The following ZNF709 variants were observed in gnomAD, a reference collection of about 807,000 sequenced individuals.
The protein encoded by ZNF709 is zinc finger protein 709.
ZNF709 carries 15 observed loss-of-function variants against 10.6 expected under a neutral mutation model. That is an observed-to-expected ratio of 1.41 (90% CI 0.95 to 2.18). The LOEUF (loss-of-function observed/expected upper bound fraction) is 2.18. Among genes scored for constraint, ZNF709 ranks in the 30% most tolerant of loss-of-function variants. ZNF709 has a pLI of 0.00. For missense variants in ZNF709, 589 were observed against 774.0 expected (o/e 0.76, Z 2.84); for synonymous variants, 194 against 238.8 (o/e 0.81, Z 1.73).
At chr19:12,483,360 C>T (rs1970747210) in intron 1 of ZNF709, among the ~76,000 whole-genome samples, 1 of 145,322 alleles carries the variant, frequency 6.9e-6, no homozygotes, top group Non-Finnish European at 1.5e-5. Context: ...CTCTATGTCA[C>T]CTAGGCTGGT....
chr19:12,476,338 G>A (rs1970678011), intron 1 of ZNF709, among the ~76,000 whole-genome samples: 1 of 151,412 alleles, frequency 6.6e-6, no homozygotes, highest in Non-Finnish European at 1.5e-5. Context: ...GCTGCAGTGA[G>A]CCAAGATTGC....
intron 1 of ZNF709, among the ~76,000 whole-genome samples, chr19:12,474,846 T>G (rs1970663029): frequency 6.6e-6 from 1 of 152,184 alleles, no homozygotes; most frequent in East Asian, 1.9e-4. Flanking sequence ...CAGAATATTC[T>G]TATACATAAT....
rs556555155 is a variant in ZNF709, at chr19:12,481,065, T to C, written c.3+3590A>G. 6.9e-5 allele frequency: 42 copies of C among 612,394 alleles called. No individual in the cohort carries two copies. In the African/African-American group the frequency reaches 8.4e-4, roughly 12 times the overall value. The allele number at this position is 612,394 out of a possible 1,614,324, so 37.9% of individuals were successfully genotyped here. A position where few individuals can be genotyped will look rare whatever the true frequency, so the allele number is the denominator to read the frequency against. On this transcript the variant is annotated intron_variant, in intron 1 of 3. Coordinates refer to ENST00000397732, the MANE Select transcript of ZNF709 (RefSeq NM_152601.4). The stretch of plus-strand genomic sequence containing the variant: ...TCCCAAAGTGCTGGGATTACAGGCA[T>C]GAGCCACGATGCCTGGCCTCTTTTA...
At position 12,463,993 on chromosome 19, in the gene ZNF709, G is replaced by T; in HGVS notation, c.*3C>A. ...CTTTGCCATATTGCTTATATACATAGGGTTACTCTCCACTATGAACTCTTT... is the reference window on the plus strand; with the variant it reads ...CTTTGCCATATTGCTTATATACATATGGTTACTCTCCACTATGAACTCTTT... On this transcript the variant is annotated 3_prime_UTR_variant, in exon 4 of 4. Transcript: ENST00000397732. 1 of 1,466,856 alleles carries T rather than the reference G, an allele frequency of 6.8e-7. No individual in the cohort carries two copies. Among genetic ancestry groups the T allele is most frequent in the Non-Finnish European group, 9.0e-7 (1 of 1,109,554 alleles). The allele number at this position is 1,466,856 out of a possible 1,614,324, so 90.9% of individuals were successfully genotyped here. A position where few individuals can be genotyped will look rare whatever the true frequency, so the allele number is the denominator to read the frequency against.
rs1970538842 is a variant in ZNF709, at chr19:12,463,943, A to G, written c.*53T>C. On this transcript the variant is annotated 3_prime_UTR_variant, in exon 4 of 4. Coordinates refer to ENST00000397732, the MANE Select transcript of ZNF709 (RefSeq NM_152601.4). ...ATTCAACTCAAAAAAAAAAAAAAAA[A>G]AAAAGGAAATAGGACAACTGAAAAC... 3.0e-6 allele frequency: 4 copies of G among 1,339,734 alleles called. No individual in the cohort carries two copies. The highest frequency in any genetic ancestry group is 5.4e-5 in the Admixed American group (2 of 37,180). 83.0% of individuals were successfully genotyped at this position (1,339,734 alleles called of 1,614,324 possible).
In ZNF709 at chr19:12,466,446, T is replaced by C. The variant is rs1269939896; in HGVS notation, c.188+16A>G. Reference sequence around the variant, plus strand: ...TCTCTCATAAGACAGTATTTTCTTTTGTAAGTACAACTCACCTTAGCTTTC... The same window carrying C: ...TCTCTCATAAGACAGTATTTTCTTTCGTAAGTACAACTCACCTTAGCTTTC... On this transcript the variant is annotated intron_variant, in intron 3 of 3. Transcript: ENST00000397732. 4 of 1,612,090 alleles carry C rather than the reference T, an allele frequency of 2.5e-6. No individual in the cohort carries two copies. The highest frequency in any genetic ancestry group is 3.4e-6 in the Non-Finnish European group (4 of 1,178,506).
intron 1 of ZNF709, among the ~76,000 whole-genome samples, chr19:12,467,092 C>T (rs1361510700): frequency 6.6e-6 from 1 of 152,188 alleles, no homozygotes; most frequent in African/African-American, 2.4e-5. Context: ...TGACAGGATA[C>T]ACAGCATCTT....
chr19:12,470,674 T>C (rs958651326), intron 1 of ZNF709, among the ~76,000 whole-genome samples: 64 of 152,130 alleles, frequency 4.2e-4, no homozygotes, highest in African/African-American at 1.4e-3. Flanking sequence ...CACGCTGTAA[T>C]CCCAGCACTT....
chr19:12,466,447 G>GT lies in ZNF709; in HGVS notation c.188+14dup. ...CTCTCATAAGACAGTATTTTCTTTT[G>GT]TAAGTACAACTCACCTTAGCTTTCT... is the stretch of plus-strand genomic sequence containing the variant. On this transcript the variant is annotated intron_variant, in intron 3 of 3. Transcript: ENST00000397732. 14 of 1,611,698 alleles carry GT rather than the reference G, an allele frequency of 8.7e-6. No individual in the cohort carries two copies. The highest frequency in any genetic ancestry group is 1.2e-5 in the Non-Finnish European group (14 of 1,178,242).
At chr19:12,480,626 T>A (rs1970718162) in intron 1 of ZNF709, among the ~76,000 whole-genome samples, 1 of 148,428 alleles carries the variant, frequency 6.7e-6, no homozygotes, top group African/African-American at 2.5e-5. Flanking sequence ...GAGCTTGCGG[T>A]GAGCCGAGAT....
At position 12,462,013 on chromosome 19, in the gene ZNF709, A is replaced by C. The variant is rs1178132480; in HGVS notation, c.*1983T>G. The C allele has an allele frequency of 6.6e-6, 1 of 152,270 alleles. No homozygotes were observed. The highest frequency in any genetic ancestry group is 1.9e-4 in the East Asian group (1 of 5,218). The allele number at this position is 152,270 out of a possible 1,614,324, so 9.4% of individuals were successfully genotyped here. ...CTTGAACCCAGAAGGCAGAGGTTGC[A>C]GTGAGCCAAGATCGTACCACTGCAC... On this transcript the variant is annotated 3_prime_UTR_variant, in exon 4 of 4. Coordinates refer to ENST00000397732, the MANE Select transcript of ZNF709 (RefSeq NM_152601.4).
At chr19:12,478,546 G>A (rs1970694607) in intron 1 of ZNF709, among the ~76,000 whole-genome samples, 1 of 152,212 alleles carries the variant, frequency 6.6e-6, no homozygotes, top group Non-Finnish European at 1.5e-5. Context: ...GACAGTCAAT[G>A]TCTGAACACC....
chr19:12,479,217 C>T (rs1970700973), intron 1 of ZNF709, among the ~76,000 whole-genome samples: 1 of 151,966 alleles, frequency 6.6e-6, no homozygotes, highest in African/African-American at 2.4e-5. Context: ...GTGGGAAGAT[C>T]ACTTGAGCCC....
intron 1 of ZNF709, among the ~76,000 whole-genome samples, chr19:12,469,665 A>G (rs1230309752): frequency 6.6e-6 from 1 of 152,004 alleles, no homozygotes; most frequent in African/African-American, 2.4e-5. Context: ...GCTACTCAGG[A>G]GGCTGAGGCA....
At position 12,484,665 on chromosome 19, in the gene ZNF709, A is replaced by G. The variant is rs749307904; in HGVS notation, c.-8T>C. Reference sequence around the variant, plus strand: ...GCCCCGCACACTTACCATTTCCCAGACTCTGGGATGTCCTGGTGTTCTGTT... The same window carrying G: ...GCCCCGCACACTTACCATTTCCCAGGCTCTGGGATGTCCTGGTGTTCTGTT... On this transcript the variant is annotated 5_prime_UTR_variant, in exon 1 of 4. Coordinates refer to ENST00000397732, the MANE Select transcript of ZNF709 (RefSeq NM_152601.4). The G allele has an allele frequency of 1.2e-5, 19 of 1,613,126 alleles. No individual in the cohort carries two copies. The highest frequency in any genetic ancestry group is 1.7e-5 in the Admixed American group (1 of 59,936).
intron 1 of ZNF709, among the ~76,000 whole-genome samples, chr19:12,475,257 T>TAAAAAAAAAAA (rs71166684): frequency 2.2e-5 from 1 of 44,732 alleles, no homozygotes; most frequent in Non-Finnish European, 4.3e-5. Flanking sequence ...GATTCCGTCT[T>TAAAAAAAAAAA]AAAAAAAAAA....
intron 1 of ZNF709, among the ~76,000 whole-genome samples, chr19:12,468,556 C>A (rs528315242): frequency 6.6e-6 from 1 of 150,960 alleles, no homozygotes; most frequent in Admixed American, 6.6e-5. Context: ...ACAAACACTG[C>A]GGAAGGCCGC....
rs1970520566 is a variant in ZNF709, at chr19:12,462,030, C to G, written c.*1966G>C. 1 of 152,036 alleles carries G rather than the reference C, an allele frequency of 6.6e-6. No individual in the cohort carries two copies. The highest frequency in any genetic ancestry group is 2.1e-4 in the South Asian group (1 of 4,820). The allele number at this position is 152,036 out of a possible 1,614,324, so 9.4% of individuals were successfully genotyped here. On this transcript the variant is annotated 3_prime_UTR_variant, in exon 4 of 4. Transcript: ENST00000397732. ...GAGGTTGCAGTGAGCCAAGATCGTA[C>G]CACTGCACTCCAGCCTGGGCGACAG...
chr19:12,480,048 G>C (rs578135020), intron 1 of ZNF709, among the ~76,000 whole-genome samples: 2 of 152,152 alleles, frequency 1.3e-5, no homozygotes, highest in East Asian at 3.9e-4. Flanking sequence ...GCTCATGTCT[G>C]TAATTCTAGT....
Sources: allele counts gnomAD v4.1 joint callset (sites outside exome capture counted in the v4.1 genomes callset), GRCh38; gene constraint gnomAD v4.1.1; transcripts MANE v1.5; gene names NCBI Gene and HGNC (gene_info 2026-07-23, HGNC 2026-07-21).